The following DNAH9 variants were observed in gnomAD, a reference collection of about 807,000 sequenced individuals.
The protein encoded by DNAH9 is dynein axonemal heavy chain 9, also known as DNAH9 variant protein.
In DNAH9, 345 loss-of-function variants were observed where a neutral mutation model predicts 471.6. That is an observed-to-expected ratio of 0.73 (90% CI 0.67 to 0.80). DNAH9 has a LOEUF of 0.80. Among genes scored for constraint, DNAH9 ranks in the 30% least tolerant of loss-of-function variants. DNAH9 has a pLI of 0.00. For synonymous variants in DNAH9, 2,093 were observed against 2,123.6 expected (o/e 0.99, Z 0.40); for missense variants, 5,407 against 5,609.2 (o/e 0.96, Z 1.15).
At chr17:11,714,666 A>G (rs1180834114) in intron 26 of DNAH9, among the ~76,000 whole-genome samples, 1 of 152,200 alleles carries the variant, frequency 6.6e-6, no homozygotes, top group Non-Finnish European at 1.5e-5. Context: ...TAGACTTAAT[A>G]TAATTATATA....
At chr17:11,960,309 G>A (rs60118397) in intron 67 of DNAH9, among the ~76,000 whole-genome samples, 6,726 of 151,020 alleles carry the variant, frequency 0.045, 345 homozygotes, top group East Asian at 0.17. Flanking sequence ...GGTGGTGGGC[G>A]CCTGTAATCC....
chr17:11,648,330 T>C (rs897259427), intron 12 of DNAH9, among the ~76,000 whole-genome samples: 2 of 152,222 alleles, frequency 1.3e-5, no homozygotes, highest in African/African-American at 4.8e-5. Flanking sequence ...ATGTCTTCAC[T>C]TTGGCAAGAC....
intron 32 of DNAH9, among the ~76,000 whole-genome samples, chr17:11,748,148 C>CAAAAAAA (rs71142241): frequency 4.6e-5 from 3 of 64,666 alleles, no homozygotes; most frequent in East Asian, 4.9e-4. Context: ...ACTAAAAATA[C>CAAAAAAA]AAAAAAAAAA....
rs1338488327 is a variant in DNAH9 at position 11,669,672 on chromosome 17, C to G, written c.3231C>G (p.Pro1077=). ...TLYEEVCRLE[P]IKVFDGWMKI... The stretch of plus-strand genomic sequence containing the variant: ...ATGAAGAGGTGTGCAGGCTGGAACC[C>G]ATCAAGGTGTTTGACGGCTGGATGA... The change falls in exon 17 of 69, where the codon CCC becomes CCG. Residue 1077 remains proline (P), a synonymous_variant. Coordinates refer to ENST00000262442, the MANE Select transcript of DNAH9 (RefSeq NM_001372.4). 5.0e-6 allele frequency: 8 copies of G among 1,614,056 alleles called. No individual in the cohort carries two copies. The highest frequency in any genetic ancestry group is 6.8e-6 in the Non-Finnish European group (8 of 1,180,024).
rs76391391 is a variant in DNAH9, at chr17:11,868,655, G to A, written c.9934-479G>A. Among the ~76,000 whole-genome samples the A allele has an allele frequency of 7.1e-3, 1,084 of 152,036 alleles. 16 individuals carry two copies. Among genetic ancestry groups the A allele is most frequent in the African/African-American group, 0.023 (944 of 41,476 alleles). Reference sequence around the variant, plus strand: ...CTGGCAGTTGTCCTCCCTGGCCCACGTGGGTTGCTGTTGACCTTTTTCATG... The same window carrying A: ...CTGGCAGTTGTCCTCCCTGGCCCACATGGGTTGCTGTTGACCTTTTTCATG... On this transcript the variant is annotated intron_variant, in intron 50 of 68. Coordinates refer to ENST00000262442, the MANE Select transcript of DNAH9 (RefSeq NM_001372.4).
intron 43 of DNAH9, among the ~76,000 whole-genome samples, chr17:11,805,100 G>A (rs1459922631): frequency 6.6e-6 from 1 of 151,972 alleles, no homozygotes; most frequent in Admixed American, 6.6e-5. Context: ...CAAGGGTTGG[G>A]GGCCAGACTC....
intron 62 of DNAH9, 134 bp downstream of exon 62, chr17:11,924,075 TTC>T: frequency 7.7e-7 from 1 of 1,304,488 alleles, no homozygotes; most frequent in Non-Finnish European, 1.0e-6. Flanking sequence ...TTTCTTCATC[TTC>T]TCTCTTTCCA....
intron 49 of DNAH9, among the ~76,000 whole-genome samples, chr17:11,851,673 C>A (rs180880003): frequency 6.6e-6 from 1 of 152,112 alleles, no homozygotes; most frequent in Non-Finnish European, 1.5e-5. Flanking sequence ...AAGAGAAAGT[C>A]CACAGAGCCC....
chr17:11,783,956 T>G (rs958969234), intron 40 of DNAH9, among the ~76,000 whole-genome samples: 3 of 152,140 alleles, frequency 2.0e-5, no homozygotes, highest in Non-Finnish European at 4.4e-5. Flanking sequence ...TTTCATCTGA[T>G]TTGATCCCTC....
At chr17:11,936,775 T>G (rs1974726793) in intron 65 of DNAH9, among the ~76,000 whole-genome samples, 1 of 152,176 alleles carries the variant, frequency 6.6e-6, no homozygotes, top group Non-Finnish European at 1.5e-5. Context: ...ACACATAGTT[T>G]CAAAATTTTT....
At chr17:11,893,146 C>G (rs903213844) in intron 58 of DNAH9, among the ~76,000 whole-genome samples, 1 of 148,970 alleles carries the variant, frequency 6.7e-6, no homozygotes, top group African/African-American at 2.5e-5. Context: ...CCTATATTCC[C>G]CACTCCAGCC....
intron 68 of DNAH9, among the ~76,000 whole-genome samples, chr17:11,964,290 T>C (rs1976501392): frequency 6.6e-6 from 1 of 152,102 alleles, no homozygotes; most frequent in African/African-American, 2.4e-5. Context: ...GCCACAGCTA[T>C]TAATAGAATC....
chr17:11,749,074 GTTTTTTTTTTTGT>G (rs1159919378), intron 32 of DNAH9, among the ~76,000 whole-genome samples: 1,235 of 49,052 alleles, frequency 0.025, 7 homozygotes, highest in African/African-American at 0.074. Flanking sequence ...GTTTTTTTTT[GTTTTTTTTTTTGT>G]TTTTTTTTTT....
rs369934850 is a variant in DNAH9, at chr17:11,922,696, G to A, written c.11750-1118G>A. Among the ~76,000 whole-genome samples the A allele has an allele frequency of 2.6e-5, 4 of 152,126 alleles. No individual in the cohort carries two copies. In the East Asian group the frequency reaches 7.7e-4, roughly 29 times the overall value. ...GTCTTGCCCCTCTTCACTCTAATTC[G>A]TGCAAAATGATGAGATAACTCTTTT... is the stretch of plus-strand genomic sequence containing the variant. On this transcript the variant is annotated intron_variant, in intron 61 of 68. Transcript: ENST00000262442.
intron 12 of DNAH9, 71 bp downstream of exon 12, chr17:11,647,269 C>T (rs910122759): frequency 4.8e-6 from 7 of 1,447,286 alleles, no homozygotes; most frequent in South Asian, 3.7e-5. Flanking sequence ...ATTTCAAAAG[C>T]GTAAAGACTT....
At chr17:11,935,798 C>A (rs192796920) in intron 65 of DNAH9, among the ~76,000 whole-genome samples, 25 of 151,526 alleles carry the variant, frequency 1.6e-4, no homozygotes, top group Non-Finnish European at 2.9e-4. Context: ...AAAAAAATTT[C>A]TTTAATTCAT....
chr17:11,869,847 T>C (rs1021013307), intron 51 of DNAH9, among the ~76,000 whole-genome samples: 1 of 152,242 alleles, frequency 6.6e-6, no homozygotes, highest in Non-Finnish European at 1.5e-5. Flanking sequence ...TCATAATATC[T>C]CACAAGTTTG....
At chr17:11,753,089 C>A in intron 33 of DNAH9, 129 bp downstream of exon 33, 1 of 707,548 alleles carries the variant, frequency 1.4e-6, no homozygotes, top group Non-Finnish European at 2.2e-6. Flanking sequence ...CTATCATCAG[C>A]ATCTTCACCA....
chr17:11,821,834 G>T (rs896546521), intron 45 of DNAH9, 86 bp from the exon 46 acceptor site: 2 of 1,480,364 alleles, frequency 1.4e-6, no homozygotes, highest in African/African-American at 1.4e-5. Flanking sequence ...ACTGACCTGT[G>T]TCCTAAGGTA....
Sources: allele counts gnomAD v4.1 joint callset (sites outside exome capture counted in the v4.1 genomes callset), GRCh38; gene constraint gnomAD v4.1.1; transcripts MANE v1.5; gene names NCBI Gene and HGNC (gene_info 2026-07-23, HGNC 2026-07-21).